Variants in TP73 observed in about 807,000 individuals in gnomAD.
The protein encoded by TP73 is p53-like transcription factor.
A neutral mutation model predicts 62.5 loss-of-function variants in TP73; 25 were observed. The ratio of observed to expected loss-of-function variants is 0.40; its 90% CI spans 0.29 to 0.56. The LOEUF (loss-of-function observed/expected upper bound fraction) is 0.56. Ranked by LOEUF, TP73 falls within the 20% of genes least tolerant of loss-of-function variation. TP73 has a pLI of 0.46. For missense variants in TP73, 754 were observed against 913.3 expected (o/e 0.83, Z 2.25); for synonymous variants, 423 against 377.5 (o/e 1.12, Z -1.40).
chr1:3,703,186 A>G (rs1639339795), intron 3 of TP73, among the ~76,000 whole-genome samples: 1 of 152,208 alleles, frequency 6.6e-6, no homozygotes, highest in African/African-American at 2.4e-5. Flanking sequence ...GGGGTGTGAC[A>G]GGGGCGGTGA....
At chr1:3,659,152 A>C (rs940392865) in intron 1 of TP73, 5 of 146,082 alleles carry the variant, frequency 3.4e-5, no homozygotes, top group African/African-American at 5.2e-5. Context: ...TAATGCTTTG[A>C]AGAGGCATTT....
chr1:3,711,952 A>G (rs1212634846), intron 4 of TP73, among the ~76,000 whole-genome samples: 2 of 151,982 alleles, frequency 1.3e-5, no homozygotes, highest in African/African-American at 4.8e-5. Flanking sequence ...GGACATATGG[A>G]AGGACGGCCA....
rs1329324310 is a variant in TP73, at chr1:3,701,982, T to C, written c.187-5567T>C. Among the ~76,000 whole-genome samples the C allele has an allele frequency of 6.6e-6, 1 of 152,144 alleles. No individual in the cohort carries two copies. The highest frequency in any genetic ancestry group is 1.9e-4 in the East Asian group (1 of 5,180). On this transcript the variant is annotated intron_variant, in intron 3 of 13. Coordinates refer to ENST00000378295, the MANE Select transcript of TP73 (RefSeq NM_005427.4). This position sits in a 1 kb window ranked among gnomAD's most constrained non-coding sequence, Gnocchi z 4.7. ...AGGTCTCTCCTGCCCCTCTCCTGGA[T>C]GGGCAGAGAGGCCTGGTTTCCAGGA...
intron 4 of TP73, among the ~76,000 whole-genome samples, chr1:3,713,937 G>A (rs1356970702): frequency 6.6e-6 from 1 of 152,094 alleles, no homozygotes; most frequent in East Asian, 1.9e-4. Flanking sequence ...CAGTGAGGCA[G>A]AAGTCAGAGC....
intron 3 of TP73, among the ~76,000 whole-genome samples, chr1:3,686,744 G>A (rs903780336): frequency 4.6e-5 from 7 of 152,204 alleles, no homozygotes; most frequent in Middle Eastern, 6.3e-3. Flanking sequence ...CCAGCAGGCC[G>A]AGGTGGGTGT....
At chr1:3,681,336 G>T (rs373489876) in intron 1 of TP73, among the ~76,000 whole-genome samples, 1 of 152,148 alleles carries the variant, frequency 6.6e-6, no homozygotes, top group Non-Finnish European at 1.5e-5. Flanking sequence ...CACCTCAGCC[G>T]GGGCTGGGGG....
chr1:3,720,048 G>A (rs972884066), intron 4 of TP73, among the ~76,000 whole-genome samples: 2 of 151,936 alleles, frequency 1.3e-5, no homozygotes, highest in African/African-American at 4.8e-5. Context: ...TCAGCTTCCT[G>A]AGTAGCTGGG....
chr1:3,728,337 C>A, intron 9 of TP73, 120 bp downstream of exon 9: 1 of 1,052,082 alleles, frequency 9.5e-7, no homozygotes, highest in Non-Finnish European at 1.4e-6. Context: ...GGGAGGAGCC[C>A]AGCCCTGTGT....
At chr1:3,687,453 G>A (rs1177982963) in intron 3 of TP73, among the ~76,000 whole-genome samples, 1 of 152,160 alleles carries the variant, frequency 6.6e-6, no homozygotes, top group Non-Finnish European at 1.5e-5. Context: ...GGTGGGGCGG[G>A]GGTCCTATCC....
At chr1:3,682,487 G>C in intron 2 of TP73, 57 bp downstream of exon 2, 1 of 1,395,692 alleles carries the variant, frequency 7.2e-7, no homozygotes, top group Non-Finnish European at 9.5e-7. Context: ...CTCTGGGCTA[G>C]CCTCAGCCAC....
intron 5 of TP73, 111 bp downstream of exon 5, chr1:3,722,318 C>T: frequency 7.4e-7 from 1 of 1,347,398 alleles, no homozygotes; most frequent in Non-Finnish European, 1.0e-6. Context: ...ATGGGCTTAG[C>T]CATTCCCCTG....
chr1:3,711,067 C>G (rs1405596173), intron 4 of TP73, among the ~76,000 whole-genome samples: 1 of 152,356 alleles, frequency 6.6e-6, no homozygotes, highest in Admixed American at 6.5e-5. Context: ...GCTGGGGTCC[C>G]AATCCCAGAG....
intron 3 of TP73, among the ~76,000 whole-genome samples, chr1:3,686,494 TG>T (rs1238559113): frequency 9.8e-5 from 15 of 152,306 alleles, no homozygotes; most frequent in Non-Finnish European, 7.4e-5. Flanking sequence ...TGCTGGGTGC[TG>T]GCTCTGCCCA....
intron 1 of TP73, among the ~76,000 whole-genome samples, chr1:3,681,501 G>A (rs959157527): frequency 2.0e-5 from 3 of 152,136 alleles, no homozygotes; most frequent in African/African-American, 7.2e-5. Flanking sequence ...GCGGACGGGC[G>A]CTGGGGTCAG....
intron 4 of TP73, among the ~76,000 whole-genome samples, chr1:3,709,164 C>T (rs544156207): frequency 2.6e-5 from 4 of 152,178 alleles, no homozygotes; most frequent in Admixed American, 6.5e-5. Flanking sequence ...CCCCCACCTG[C>T]GGTTGTTTCT....
chr1:3,731,046 G>A lies in TP73; in HGVS notation c.1465G>A (p.Ala489Thr), dbSNP rs770269270. ...CTGCACTCCGCCACCCCCCTACCAC[G>A]CCGACCCCAGCCTCGTCAGGTGCGT... ...SHCTPPPPYH[A>T]DPSLVSFLTG... is the part of the protein sequence containing the mutation. Residue 489 changes from alanine (A) to threonine (T), a missense_variant, in exon 12 of 14, where the codon GCC becomes ACC. Ala to Thr is a moderately conservative substitution (Grantham distance 58). Around this residue, in one of 3 missense-constraint regions of TP73, gnomAD observed 458 missense variants for 528.7 expected, o/e 0.87. Coordinates refer to ENST00000378295, the MANE Select transcript of TP73 (RefSeq NM_005427.4). 8.1e-6 allele frequency: 13 copies of A among 1,611,710 alleles called. No homozygotes were observed. Among genetic ancestry groups the A allele is most frequent in the Admixed American group, 1.7e-5 (1 of 59,958 alleles).
At chr1:3,729,754 C>A in intron 10 of TP73, 1 of 743,268 alleles carries the variant, frequency 1.3e-6, no homozygotes, top group East Asian at 2.7e-5. Flanking sequence ...AGACCAGAGT[C>A]CGATTCCAGT....
intron 1 of TP73, among the ~76,000 whole-genome samples, chr1:3,673,221 G>A (rs1338139942): frequency 1.3e-5 from 2 of 152,208 alleles, no homozygotes; most frequent in East Asian, 1.9e-4. Context: ...GGTGAGACAC[G>A]CGTGCTGACC....
chr1:3,702,137 C>T (rs572395843), intron 3 of TP73, among the ~76,000 whole-genome samples: 7 of 152,280 alleles, frequency 4.6e-5, no homozygotes, highest in East Asian at 3.9e-4. Context: ...GCTTGGCCGA[C>T]GGTAGATGCT....
Sources: gnomAD v4.1 joint callset for allele counts (sites outside exome capture counted in the v4.1 genomes callset) on GRCh38, gnomAD v4.1.1 for gene constraint, gnomAD v4.1.1 regional missense constraint, Gnocchi (gnomAD v3.1) non-coding constraint, MANE v1.5 for transcripts, NCBI Gene and HGNC (gene_info 2026-07-23, HGNC 2026-07-21) for gene names.